Variants in RAI14 observed in about 807,000 individuals in gnomAD.
RAI14 encodes the protein retinoic acid induced 14, also known as ankycorbin.
RAI14 carries 45 observed loss-of-function variants against 115.4 expected under a neutral mutation model. That is an observed-to-expected ratio of 0.39 (90% CI 0.31 to 0.50). RAI14 has a LOEUF of 0.50. RAI14 is among the 20% of genes least tolerant of loss of function. The pLI is 0.85. For missense variants in RAI14, 939 were observed against 1,131.2 expected, an observed-to-expected ratio of 0.83 and a Z score of 2.44; for synonymous variants, 371 against 415.4, an observed-to-expected ratio of 0.89 and a Z score of 1.30.
intron 1 of RAI14, chr5:34,685,098 T>C (rs919430733): frequency 1.3e-5 from 2 of 152,128 alleles, no homozygotes; most frequent in African/African-American, 4.8e-5. Flanking sequence ...TCTGTACATG[T>C]TTGCTGGGCA....
chr5:34,754,304 G>T (rs1747586393), intron 2 of RAI14, among the ~76,000 whole-genome samples: 1 of 152,152 alleles, frequency 6.6e-6, no homozygotes, highest in South Asian at 2.1e-4. Flanking sequence ...TCTGCTATTT[G>T]ATCAGAATCC....
chr5:34,738,043 T>C (rs1745079256), intron 2 of RAI14, among the ~76,000 whole-genome samples: 1 of 152,168 alleles, frequency 6.6e-6, no homozygotes, highest in Admixed American at 6.6e-5. Flanking sequence ...AACTGTGCCA[T>C]TTCTGTCTGC....
intron 3 of RAI14, among the ~76,000 whole-genome samples, chr5:34,769,973 C>T (rs1235937427): frequency 3.9e-5 from 6 of 152,208 alleles, no homozygotes; most frequent in African/African-American, 4.8e-5. Context: ...AAGTGATCCA[C>T]CTGCCTTGGC....
chr5:34,769,685 G>T (rs965141773), intron 3 of RAI14, among the ~76,000 whole-genome samples: 1 of 152,046 alleles, frequency 6.6e-6, no homozygotes, highest in African/African-American at 2.4e-5. Context: ...CCATAGCTTG[G>T]GGTTGGCAGA....
intron 7 of RAI14, 151 bp from the exon 8 acceptor site, chr5:34,810,861 A>C: frequency 8.4e-7 from 1 of 1,196,418 alleles, no homozygotes; most frequent in South Asian, 1.5e-5. Flanking sequence ...TCGTGACTCT[A>C]TAGGGGTACA....
intron 3 of RAI14, among the ~76,000 whole-genome samples, chr5:34,767,391 A>G (rs1335503233): frequency 6.6e-6 from 1 of 152,004 alleles, no homozygotes; most frequent in Non-Finnish European, 1.5e-5. Context: ...GGATCTCAGA[A>G]CCCACAGCAG....
chr5:34,723,584 G>A (rs139446059), intron 2 of RAI14, among the ~76,000 whole-genome samples: 5 of 152,280 alleles, frequency 3.3e-5, no homozygotes, highest in East Asian at 1.9e-4. Context: ...TAACTGCACC[G>A]TAGTTTAGCC....
chr5:34,792,759 C>A (rs1343966184), intron 3 of RAI14, among the ~76,000 whole-genome samples: 1 of 152,148 alleles, frequency 6.6e-6, no homozygotes, highest in East Asian at 1.9e-4. Context: ...GACTATCTAT[C>A]CTTATAGAAT....
intron 2 of RAI14, chr5:34,716,094 C>G (rs1206491728): frequency 9.0e-6 from 4 of 445,354 alleles, no homozygotes; most frequent in Middle Eastern, 6.5e-4. Flanking sequence ...TTGGAAATGC[C>G]TGATAACATA....
chr5:34,704,059 GC>G (rs1332688673), intron 2 of RAI14, among the ~76,000 whole-genome samples: 1 of 152,176 alleles, frequency 6.6e-6, no homozygotes, highest in Non-Finnish European at 1.5e-5. Context: ...TGGAAGTGCG[GC>G]CCAGTGATCT....
In RAI14 at chr5:34,677,325, G is replaced by A. The variant is rs535209056; in HGVS notation, c.-48-9547G>A. ...ATTATGGGTGCGCACCACCACACCC[G>A]GCTCATTTTTGTATTTTTAGAGGAG... is the stretch of plus-strand genomic sequence containing the variant. On this transcript the variant is annotated intron_variant, in intron 1 of 17. Coordinates refer to ENST00000265109, the MANE Select transcript of RAI14 (RefSeq NM_015577.3). Among the ~76,000 whole-genome samples the A allele has an allele frequency of 2.4e-4, 37 of 151,782 alleles. No homozygotes were observed. In the South Asian group the frequency reaches 3.8e-3, roughly 15 times the overall value.
At position 34,716,059 on chromosome 5, in the gene RAI14, T is replaced by C. The variant is rs563125852; in HGVS notation, c.36+29104T>C. On this transcript the variant is annotated intron_variant, in intron 2 of 17. Coordinates refer to ENST00000265109, the MANE Select transcript of RAI14 (RefSeq NM_015577.3). Reference sequence around the variant, plus strand: ...ACCATATTTCCTGTCCTCTAGGAATTTGAAATCTGTAAAGAACTCTAACAT... The same window carrying C: ...ACCATATTTCCTGTCCTCTAGGAATCTGAAATCTGTAAAGAACTCTAACAT... 24 of 452,104 alleles carry C rather than the reference T, an allele frequency of 5.3e-5. No individual in the cohort carries two copies. In the East Asian group the frequency reaches 1.4e-3, roughly 27 times the overall value. 28.0% of individuals were successfully genotyped at this position (452,104 alleles called of 1,614,324 possible).
chr5:34,725,246 T>G (rs181523385), intron 2 of RAI14, among the ~76,000 whole-genome samples: 1 of 152,146 alleles, frequency 6.6e-6, no homozygotes, highest in African/African-American at 2.4e-5. Flanking sequence ...TGTTTAGAAA[T>G]ATATGACCAT....
chr5:34,766,096 T>C (rs934332448), intron 3 of RAI14, among the ~76,000 whole-genome samples: 1 of 152,184 alleles, frequency 6.6e-6, no homozygotes, highest in African/African-American at 2.4e-5. Context: ...AACACCTGGA[T>C]GCCCAGGCAG....
At chr5:34,755,152 G>C (rs1289948559) in intron 2 of RAI14, among the ~76,000 whole-genome samples, 1 of 151,512 alleles carries the variant, frequency 6.6e-6, no homozygotes, top group East Asian at 1.9e-4. Context: ...GTTTCTTGGG[G>C]CTTGATCATT....
At chr5:34,721,113 CCTCTCTTAAGT>C (rs1250835767) in intron 2 of RAI14, among the ~76,000 whole-genome samples, 1 of 151,838 alleles carries the variant, frequency 6.6e-6, no homozygotes, top group Non-Finnish European at 1.5e-5. Context: ...TCTTCCTTCT[CCTCTCTTAAGT>C]CTCTTTCTTC....
chr5:34,684,052 T>C (rs1579897523), intron 1 of RAI14, among the ~76,000 whole-genome samples: 1 of 152,202 alleles, frequency 6.6e-6, no homozygotes, highest in East Asian at 1.9e-4. Context: ...CTAGCAACAG[T>C]TGGCGTAGAA....
chr5:34,721,286 GATGTGTA>G (rs1742689973), intron 2 of RAI14, among the ~76,000 whole-genome samples: 5 of 73,192 alleles, frequency 6.8e-5, no homozygotes, highest in African/African-American at 2.8e-4. Flanking sequence ...TGTAGATGTA[GATGTGTA>G]TATATATATA....
chr5:34,808,463 A>G (rs1396140959), intron 6 of RAI14, 121 bp from the exon 7 acceptor site: 2 of 861,358 alleles, frequency 2.3e-6, no homozygotes, highest in East Asian at 2.6e-5. Context: ...TCTTCAATGC[A>G]ACTAGAGTGA....
Sources: allele counts gnomAD v4.1 joint callset (sites outside exome capture counted in the v4.1 genomes callset), GRCh38; gene constraint gnomAD v4.1.1; transcripts MANE v1.5; gene names NCBI Gene and HGNC (gene_info 2026-07-23, HGNC 2026-07-21).